Variants in TUSC3 observed in about 807,000 individuals in gnomAD.
The protein encoded by TUSC3 is dolichyl-diphosphooligosaccharide--protein glycosyltransferase subunit TUSC3.
In TUSC3, 45 loss-of-function variants were observed where a neutral mutation model predicts 44.8. The observed-to-expected ratio is 1.00, with a 90% CI of 0.79 to 1.29. TUSC3 has a LOEUF of 1.29. TUSC3 is among the 50% of genes most tolerant of loss of function. The probability of loss-of-function intolerance (pLI) is 0.00; values close to 1 mark genes in which losing one functional copy is unlikely to be tolerated. For missense variants in TUSC3, 519 were observed against 437.9 expected (o/e 1.19, Z -1.65); for synonymous variants, 212 against 152.9 (o/e 1.39, Z -2.85).
chr8:15,570,938 A>G (rs1006520170), intron 1 of TUSC3, among the ~76,000 whole-genome samples: 2 of 52,148 alleles, frequency 3.8e-5, no homozygotes, highest in Non-Finnish European at 1.2e-4. Flanking sequence ...TTTGCTTTCT[A>G]TTCCATTGCC....
intron 1 of TUSC3, among the ~76,000 whole-genome samples, chr8:15,598,586 C>CATCT (rs1554455768): frequency 1.3e-4 from 2 of 15,312 alleles, no homozygotes; most frequent in African/African-American, 4.7e-4. Flanking sequence ...CCCTAAAACT[C>CATCT]GTCATACTTC....
At chr8:15,419,245 C>A (rs1303602754) in intron 1 of TUSC3, among the ~76,000 whole-genome samples, 2 of 152,242 alleles carry the variant, frequency 1.3e-5, no homozygotes, top group East Asian at 3.9e-4. Context: ...ATTAAAAATA[C>A]TTTCACCAAT....
the TUSC3 span, among the ~76,000 whole-genome samples, chr8:15,824,292 T>C: frequency 1.1e-4 from 16 of 152,192 alleles, no homozygotes. Flanking sequence ...TGTCTATTTA[T>C]ACATAGAATG....
chr8:15,776,889 A>C, the TUSC3 span, among the ~76,000 whole-genome samples: 1 of 151,966 alleles, frequency 6.6e-6, no homozygotes. Context: ...TGGGCAAAAA[A>C]CTTGAGACTG....
downstream of TUSC3, among the ~76,000 whole-genome samples, chr8:15,768,433 C>T (rs1812385193): frequency 6.6e-6 from 1 of 152,178 alleles, no homozygotes; most frequent in South Asian, 2.1e-4. Context: ...ACAAGAAAGT[C>T]ATCTTATTCA....
the TUSC3 span, among the ~76,000 whole-genome samples, chr8:15,795,657 GAC>G: frequency 1.6e-4 from 25 of 152,302 alleles, no homozygotes; most frequent in African/African-American, 6.0e-4. Flanking sequence ...TTCTCACGAG[GAC>G]ACAGAGTCCC....
At chr8:15,508,368 A>G (rs1801086286) in intron 2 of TUSC3, among the ~76,000 whole-genome samples, 1 of 151,698 alleles carries the variant, frequency 6.6e-6, no homozygotes, top group Non-Finnish European at 1.5e-5. Flanking sequence ...GAATGACAAG[A>G]TCTCAGGGAG....
rs1327754401 is a variant in TUSC3, at chr8:15,542,950, T to C, written c.138+2382T>C. Reference sequence around the variant, plus strand: ...TCTATAGTTTGTTAAATACTTGGTGTTCTGATACTTTACTCAATAAGCATG... The same window carrying C: ...TCTATAGTTTGTTAAATACTTGGTGCTCTGATACTTTACTCAATAAGCATG... On this transcript the variant is annotated intron_variant, in intron 1 of 10. Coordinates refer to ENST00000503731, the MANE Select transcript of TUSC3 (RefSeq NM_006765.4). 4.6e-5 allele frequency among the ~76,000 whole-genome samples: 7 copies of C among 152,236 alleles called. No individual in the cohort carries two copies. The South Asian group carries it at 8.3e-4, about 18-fold the overall frequency.
intron 6 of TUSC3, among the ~76,000 whole-genome samples, chr8:15,691,929 T>C (rs1310170194): frequency 6.6e-6 from 1 of 152,034 alleles, no homozygotes; most frequent in East Asian, 1.9e-4. Flanking sequence ...TACAGGTGCT[T>C]GCCACCATGC....
intron 2 of TUSC3, among the ~76,000 whole-genome samples, chr8:15,498,870 T>C (rs1329285242): frequency 6.6e-6 from 1 of 152,232 alleles, no homozygotes; most frequent in Admixed American, 6.5e-5. Context: ...GTGTATAGTC[T>C]AATCAGTACA....
chr8:15,463,595 T>A (rs779771269), intron 1 of TUSC3, among the ~76,000 whole-genome samples: 5 of 152,204 alleles, frequency 3.3e-5, no homozygotes, highest in Admixed American at 6.5e-5. Context: ...TCATATTGTT[T>A]AATGGGCTGT....
At chr8:15,602,236 C>G (rs559487140) in intron 1 of TUSC3, among the ~76,000 whole-genome samples, 1 of 151,724 alleles carries the variant, frequency 6.6e-6, no homozygotes, top group South Asian at 2.1e-4. Context: ...TATATATAGG[C>G]CTTCCTTTTT....
chr8:15,695,263 TG>T (rs1427198353), intron 6 of TUSC3, among the ~76,000 whole-genome samples: 1 of 152,140 alleles, frequency 6.6e-6, no homozygotes, highest in Admixed American at 6.5e-5. Flanking sequence ...AATTGAATCA[TG>T]GGGGTAGGTC....
chr8:15,418,344 G>A (rs1799686926), intron 1 of TUSC3, among the ~76,000 whole-genome samples: 1 of 152,066 alleles, frequency 6.6e-6, no homozygotes, highest in African/African-American at 2.4e-5. Flanking sequence ...TCCCAACATA[G>A]ATGACGCATT....
chr8:15,736,967 T>G lies in TUSC3; in HGVS notation c.862+6238T>G, dbSNP rs187793337. Among the ~76,000 whole-genome samples the G allele has an allele frequency of 3.9e-5, 6 of 152,252 alleles. No individual in the cohort carries two copies. The East Asian group carries it at 1.2e-3, about 29-fold the overall frequency. On this transcript the variant is annotated intron_variant, in intron 7 of 10. Transcript: ENST00000503731. ...CAAGAAAATGACATGAAATAAATAT[T>G]AGTTAGAAGTAAAATTATTTATATA...
chr8:15,740,002 T>G (rs902694536), intron 7 of TUSC3, among the ~76,000 whole-genome samples: 1 of 152,168 alleles, frequency 6.6e-6, no homozygotes, highest in African/African-American at 2.4e-5. Context: ...TCTTGCCCTT[T>G]TGGAGCTAAA....
intron 2 of TUSC3, among the ~76,000 whole-genome samples, chr8:15,525,340 C>T (rs920673039): frequency 1.2e-4 from 19 of 152,160 alleles, no homozygotes; most frequent in Non-Finnish European, 2.8e-4. Context: ...GCTCCAGCTC[C>T]TTGTTTCTTG....
chr8:15,681,307 T>G (rs971646498), intron 6 of TUSC3, among the ~76,000 whole-genome samples: 29 of 151,800 alleles, frequency 1.9e-4, no homozygotes, highest in South Asian at 6.2e-4. Context: ...GGTCCAGGGC[T>G]TTTTTTGGTT....
At chr8:15,564,870 G>C (rs545387807) in intron 1 of TUSC3, among the ~76,000 whole-genome samples, 30 of 152,198 alleles carry the variant, frequency 2.0e-4, no homozygotes, top group African/African-American at 7.2e-4. Context: ...TTCTGTGTTA[G>C]TGTGTCCCTG....
Sources: gnomAD v4.1 joint callset for allele counts (sites outside exome capture counted in the v4.1 genomes callset) on GRCh38, gnomAD v4.1.1 for gene constraint, MANE v1.5 for transcripts, NCBI Gene and HGNC (gene_info 2026-07-23, HGNC 2026-07-21) for gene names.